SERGEF: variants seen among roughly 807,000 people sequenced by gnomAD.
SERGEF encodes the protein secretion regulating guanine nucleotide exchange factor.
In SERGEF, 51 loss-of-function variants were observed where a neutral mutation model predicts 50.0. The observed-to-expected ratio is 1.02, with a 90% CI of 0.81 to 1.29. The LOEUF (loss-of-function observed/expected upper bound fraction) is 1.29. SERGEF is among the 50% of genes most tolerant of loss of function. The probability of loss-of-function intolerance (pLI) is 0.00; values close to 1 mark genes in which losing one functional copy is unlikely to be tolerated. For missense variants in SERGEF, 521 were observed against 557.0 expected (o/e 0.94, Z 0.65); for synonymous variants, 205 against 212.4 (o/e 0.97, Z 0.30).
At chr11:18,009,710 G>A (rs1854157577) in intron 1 of SERGEF, among the ~76,000 whole-genome samples, 3 of 151,980 alleles carry the variant, frequency 2.0e-5, no homozygotes, top group Non-Finnish European at 2.9e-5. Context: ...CCCTTGACAG[G>A]CAATATGTCT....
chr11:17,857,854 T>C (rs188688256), intron 10 of SERGEF, among the ~76,000 whole-genome samples: 88 of 152,348 alleles, frequency 5.8e-4, no homozygotes, highest in Non-Finnish European at 7.5e-4. Flanking sequence ...CCCACACCTT[T>C]ATCTCTATTT....
intron 10 of SERGEF, among the ~76,000 whole-genome samples, chr11:17,803,127 A>G (rs968661280): frequency 6.6e-6 from 1 of 152,258 alleles, no homozygotes; most frequent in Non-Finnish European, 1.5e-5. Context: ...AGCAACTGCT[A>G]TATTGTGTGT....
intron 9 of SERGEF, among the ~76,000 whole-genome samples, chr11:17,957,738 G>GAA (rs201005017): frequency 1.9e-3 from 258 of 134,846 alleles, no homozygotes; most frequent in Middle Eastern, 3.9e-3. Flanking sequence ...CTAGTGGTGG[G>GAA]AAAAAAAAAA....
chr11:17,974,835 G>GT (rs1299279521), intron 8 of SERGEF, among the ~76,000 whole-genome samples: 4 of 152,194 alleles, frequency 2.6e-5, no homozygotes, highest in African/African-American at 7.2e-5. Context: ...AATTGGTGCT[G>GT]TAACGTTTTA....
intron 1 of SERGEF, chr11:18,010,180 CA>C (rs1165723407): frequency 1.2e-6 from 1 of 815,990 alleles, no homozygotes; most frequent in East Asian, 6.3e-5. Flanking sequence ...ACAACAAATA[CA>C]TATATACATA....
chr11:17,981,913 G>A (rs1853503131), intron 8 of SERGEF, among the ~76,000 whole-genome samples: 1 of 151,950 alleles, frequency 6.6e-6, no homozygotes, highest in Admixed American at 6.6e-5. Context: ...CCATCCTCCT[G>A]CCCCAGCCTC....
intron 10 of SERGEF, among the ~76,000 whole-genome samples, chr11:17,809,091 G>A (rs1185513663): frequency 6.6e-6 from 1 of 152,184 alleles, no homozygotes; most frequent in Non-Finnish European, 1.5e-5. Context: ...CATGGCACCT[G>A]CTAGCAAGGA....
At position 17,852,735 on chromosome 11, in the gene SERGEF, C is replaced by T. The variant is rs1021466446; in HGVS notation, c.1048+25473G>A. Among the ~76,000 whole-genome samples the T allele has an allele frequency of 3.3e-5, 5 of 152,156 alleles. No homozygotes were observed. In the East Asian group the frequency reaches 9.6e-4, roughly 29 times the overall value. On this transcript the variant is annotated intron_variant, in intron 10 of 10. Transcript: ENST00000265965. ...TCTCAGCATTTACATAAACACTTTCCTAGCAATTTATTCATCTGATCCTCA... is the reference window on the plus strand; with the variant it reads ...TCTCAGCATTTACATAAACACTTTCTTAGCAATTTATTCATCTGATCCTCA...
chr11:18,007,444 C>T (rs1854098276), intron 2 of SERGEF, among the ~76,000 whole-genome samples: 1 of 152,164 alleles, frequency 6.6e-6, no homozygotes. Flanking sequence ...AGGATCTGAA[C>T]CCAGAGATTT....
chr11:17,960,002 C>T (rs1412058971), intron 8 of SERGEF, among the ~76,000 whole-genome samples: 2 of 152,202 alleles, frequency 1.3e-5, no homozygotes, highest in African/African-American at 4.8e-5. Context: ...TTGTGCTTTG[C>T]CCAGATGCCT....
At chr11:17,924,629 A>G (rs903584601) in intron 9 of SERGEF, among the ~76,000 whole-genome samples, 8 of 150,742 alleles carry the variant, frequency 5.3e-5, no homozygotes, top group Admixed American at 2.0e-4. Context: ...AAGACTGGAG[A>G]CAAACATAGA....
chr11:17,804,875 C>A (rs1008982138), intron 10 of SERGEF, among the ~76,000 whole-genome samples: 1 of 152,168 alleles, frequency 6.6e-6, no homozygotes, highest in Non-Finnish European at 1.5e-5. Context: ...GTTTGGAGAA[C>A]CATTGGTCTA....
At chr11:17,942,952 G>T (rs1431676782) in intron 9 of SERGEF, among the ~76,000 whole-genome samples, 3 of 151,990 alleles carry the variant, frequency 2.0e-5, no homozygotes, top group African/African-American at 7.2e-5. Context: ...AACATAGTTT[G>T]GTCATGATAT....
At chr11:17,976,139 A>G (rs140587241) in intron 8 of SERGEF, among the ~76,000 whole-genome samples, 2 of 152,246 alleles carry the variant, frequency 1.3e-5, no homozygotes, top group African/African-American at 4.8e-5. Context: ...CTAGCTCTTC[A>G]GGGTTCTTTT....
chr11:17,936,549 AT>A (rs1218303080), intron 9 of SERGEF, among the ~76,000 whole-genome samples: 13 of 151,772 alleles, frequency 8.6e-5, no homozygotes, highest in Admixed American at 6.6e-4. Flanking sequence ...ACAGAACAGG[AT>A]TTTTTTTTCA....
intron 10 of SERGEF, among the ~76,000 whole-genome samples, chr11:17,799,470 C>T (rs74987174): frequency 0.02 from 3,043 of 152,262 alleles, 100 homozygotes; most frequent in African/African-American, 0.068. Flanking sequence ...TGCCAATCTC[C>T]GAGGGGCACT....
chr11:17,960,153 C>T (rs999113864), intron 8 of SERGEF, among the ~76,000 whole-genome samples: 1 of 152,120 alleles, frequency 6.6e-6, no homozygotes, highest in African/African-American at 2.4e-5. Context: ...ATAAAGGGAC[C>T]TTTCAGAATC....
intron 9 of SERGEF, among the ~76,000 whole-genome samples, chr11:17,929,043 T>C (rs1436012503): frequency 6.6e-6 from 1 of 152,230 alleles, no homozygotes; most frequent in African/African-American, 2.4e-5. Flanking sequence ...CTCTATGTCA[T>C]AAACTAGGAA....
intron 10 of SERGEF, among the ~76,000 whole-genome samples, chr11:17,801,680 CATGA>C (rs1207505013): frequency 6.6e-6 from 1 of 152,096 alleles, no homozygotes; most frequent in African/African-American, 2.4e-5. Flanking sequence ...GCCTATTAGA[CATGA>C]ATGAATGAAT....
Sources: allele counts gnomAD v4.1 joint callset (sites outside exome capture counted in the v4.1 genomes callset), GRCh38; gene constraint gnomAD v4.1.1; transcripts MANE v1.5; gene names NCBI Gene and HGNC (gene_info 2026-07-23, HGNC 2026-07-21).